Variants in KIFAP3 observed in about 807,000 individuals in gnomAD.
The protein encoded by KIFAP3 is kinesin-associated protein 3.
Under a neutral mutation model 106.5 loss-of-function variants are expected in KIFAP3, and 68 were observed. The observed-to-expected ratio is 0.64, with a 90% CI of 0.53 to 0.78. The LOEUF (loss-of-function observed/expected upper bound fraction) is 0.78. Among genes scored for constraint, KIFAP3 ranks in the 30% least tolerant of loss-of-function variants. The pLI, the probability that KIFAP3 is intolerant of heterozygous loss-of-function variation, is 0.00. For synonymous variants in KIFAP3, 320 were observed against 311.5 expected (o/e 1.03, Z -0.29); for missense variants, 780 against 941.8 (o/e 0.83, Z 2.25).
chr1:170,034,458 A>G lies in KIFAP3; in HGVS notation c.656T>C (p.Ile219Thr), dbSNP rs749176192. 1.3e-6 allele frequency: 2 copies of G among 1,548,312 alleles called. No individual in the cohort carries two copies. The highest frequency in any genetic ancestry group is 1.8e-6 in the Non-Finnish European group (2 of 1,126,450). Residue 219 changes from isoleucine (I) to threonine (T), a missense_variant, in exon 7 of 20, where the codon ATT becomes ACT. Physicochemically the swap from Ile to Thr is moderately conservative, Grantham distance 89. Coordinates refer to ENST00000361580, the MANE Select transcript of KIFAP3 (RefSeq NM_014970.4). ...QFHGLITHYKIGALCMNIIDH... is the reference protein window; with the variant it reads ...QFHGLITHYKTGALCMNIIDH... ...AATAATATTCATACACAGAGCTCCAATTTTATAGTGAGTAATAAGTCCATG... is the reference window on the plus strand; with the variant it reads ...AATAATATTCATACACAGAGCTCCAGTTTTATAGTGAGTAATAAGTCCATG...
intron 11 of KIFAP3, among the ~76,000 whole-genome samples, chr1:169,985,512 C>T (rs79825079): frequency 0.012 from 1,876 of 151,640 alleles, 38 homozygotes; most frequent in African/African-American, 0.043. Context: ...CAACATCTAC[C>T]GAAAAGGAGA....
At chr1:170,062,330 T>C (rs1467947461) in intron 1 of KIFAP3, among the ~76,000 whole-genome samples, 3 of 151,630 alleles carry the variant, frequency 2.0e-5, no homozygotes, top group Non-Finnish European at 4.4e-5. Flanking sequence ...TTGATATTCA[T>C]CCTATTAACA....
chr1:170,008,366 T>C (rs370165160), intron 10 of KIFAP3, among the ~76,000 whole-genome samples: 3 of 151,194 alleles, frequency 2.0e-5, no homozygotes, highest in Non-Finnish European at 4.4e-5. Context: ...TTGCAATCTA[T>C]CCATCTGACA....
chr1:169,983,122 T>C (rs369473276), intron 13 of KIFAP3, 148 bp downstream of exon 13: 6 of 613,972 alleles, frequency 9.8e-6, no homozygotes, highest in African/African-American at 1.9e-5. Context: ...GGTTGAGATT[T>C]CTAGGTGCTA....
intron 4 of KIFAP3, among the ~76,000 whole-genome samples, chr1:170,038,843 G>C (rs1015472068): frequency 5.3e-5 from 8 of 152,160 alleles, no homozygotes; most frequent in Non-Finnish European, 8.8e-5. Context: ...CCAGCACTTT[G>C]GGAGGCTGAG....
chr1:169,972,514 G>C lies in KIFAP3; in HGVS notation c.1982C>G (p.Ala661Gly). The C allele has an allele frequency of 7.4e-7, 1 of 1,343,670 alleles. No homozygotes were observed. Among genetic ancestry groups the C allele is most frequent in the South Asian group, 1.2e-5 (1 of 82,536 alleles). The allele number at this position is 1,343,670 out of a possible 1,614,324, so 83.2% of individuals were successfully genotyped here. A position where few individuals can be genotyped will look rare whatever the true frequency, so the allele number is the denominator to read the frequency against. ...TGTGTAGAAAAAATAATTACTTACC[G>C]CTATAATATCTAATGTATTATCACA... ...KVCDNTLDII[A>G]EYDEEWAKKI... The change falls in exon 17 of 20, where the codon GCG becomes GGG. Residue 661 changes from alanine to glycine, a missense_variant and splice_region_variant. Physicochemically the swap from Ala to Gly is moderately conservative, Grantham distance 60 (BLOSUM62 0). Coordinates refer to ENST00000361580, the MANE Select transcript of KIFAP3 (RefSeq NM_014970.4).
chr1:169,995,622 C>T (rs1667331197), intron 10 of KIFAP3, among the ~76,000 whole-genome samples: 1 of 151,956 alleles, frequency 6.6e-6, no homozygotes, highest in African/African-American at 2.4e-5. Context: ...AGTAAATAAT[C>T]AAACATTAAA....
intron 8 of KIFAP3, among the ~76,000 whole-genome samples, chr1:170,026,119 C>T (rs1669089467): frequency 6.6e-6 from 1 of 152,010 alleles, no homozygotes; most frequent in African/African-American, 2.4e-5. Flanking sequence ...CCAAGAAGCA[C>T]CAAGAATTGC....
At position 170,049,054 on chromosome 1, in the gene KIFAP3, C is replaced by T. The variant is rs533042730; in HGVS notation, c.165-2188G>A. On this transcript the variant is annotated intron_variant, in intron 2 of 19. Transcript: ENST00000361580. ...TCAGTGAGTCCCACTCTTATGGAGC[C>T]CAGCAAGCTATGAACCACTGGCTTG... 4.0e-4 allele frequency among the ~76,000 whole-genome samples: 61 copies of T among 152,312 alleles called. 1 individual carries two copies. The South Asian group carries it at 0.012, about 31-fold the overall frequency.
At chr1:170,084,673 T>C (rs1298601642) in intron 1 of KIFAP3, among the ~76,000 whole-genome samples, 1 of 152,148 alleles carries the variant, frequency 6.6e-6, no homozygotes, top group Non-Finnish European at 1.5e-5. Context: ...GACACAAAAG[T>C]ATGAAATATC....
intron 10 of KIFAP3, among the ~76,000 whole-genome samples, chr1:169,993,164 G>A (rs1667185138): frequency 1.4e-5 from 2 of 147,998 alleles, no homozygotes; most frequent in African/African-American, 5.0e-5. Context: ...CCAGAGTGCA[G>A]TGGCACAATC....
intron 2 of KIFAP3, among the ~76,000 whole-genome samples, chr1:170,051,935 C>T (rs1445887084): frequency 6.6e-6 from 1 of 151,932 alleles, no homozygotes; most frequent in Non-Finnish European, 1.5e-5. Context: ...ATTAAAAGAA[C>T]TAGAGAAGCA....
At chr1:170,035,381 AAT>A in intron 6 of KIFAP3, 71 bp downstream of exon 6, 2 of 871,472 alleles carry the variant, frequency 2.3e-6, no homozygotes, top group East Asian at 2.8e-5. Flanking sequence ...GTGATCTACA[AAT>A]TGAATCAATG....
intron 9 of KIFAP3, among the ~76,000 whole-genome samples, chr1:170,020,145 A>T (rs943436833): frequency 3.3e-5 from 5 of 151,570 alleles, no homozygotes; most frequent in Non-Finnish European, 7.4e-5. Context: ...TGGAAGAAAT[A>T]AAAAAAGACC....
intron 9 of KIFAP3, among the ~76,000 whole-genome samples, chr1:170,019,094 TCTG>T (rs1668674993): frequency 6.6e-6 from 1 of 152,110 alleles, no homozygotes; most frequent in South Asian, 2.1e-4. Flanking sequence ...TGCTCCTACA[TCTG>T]CTAACATACA....
chr1:170,067,195 T>C (rs751977346), intron 1 of KIFAP3, among the ~76,000 whole-genome samples: 17 of 152,028 alleles, frequency 1.1e-4, no homozygotes, highest in South Asian at 2.1e-4. Flanking sequence ...AAAAGTATAA[T>C]TCAGCAATGC....
chr1:169,984,193 C>T (rs767399024), intron 12 of KIFAP3, among the ~76,000 whole-genome samples: 1 of 151,666 alleles, frequency 6.6e-6, no homozygotes, highest in Non-Finnish European at 1.5e-5. Flanking sequence ...CAAAAACTAT[C>T]GGGCAGACTC....
At chr1:170,060,189 AG>A (rs1358460536) in intron 1 of KIFAP3, among the ~76,000 whole-genome samples, 1 of 152,220 alleles carries the variant, frequency 6.6e-6, no homozygotes, top group African/African-American at 2.4e-5. Context: ...GGAGAAAAAA[AG>A]GGTATTCAAT....
rs760064474 is a variant in KIFAP3 at position 170,038,312 on chromosome 1, G to A, written c.495C>T (p.Asn165=). Reference sequence around the variant, plus strand: ...CACCATTCAATAGTAGTTCTTCCAAGTTATCAGGATTTCGAGCAAGCTGCA... The same window carrying A: ...CACCATTCAATAGTAGTTCTTCCAAATTATCAGGATTTCGAGCAAGCTGCA... ...LILQLARNPD[N]LEELLLNETA... Residue 165 remains asparagine (N), a synonymous_variant, in exon 5 of 20, where the codon AAC becomes AAT. Transcript: ENST00000361580. The A allele has an allele frequency of 8.1e-6, 13 of 1,602,142 alleles. No individual in the cohort carries two copies. The East Asian group carries it at 2.9e-4, about 36-fold the overall frequency.
Sources: allele counts gnomAD v4.1 joint callset (sites outside exome capture counted in the v4.1 genomes callset), GRCh38; gene constraint gnomAD v4.1.1; transcripts MANE v1.5; gene names NCBI Gene and HGNC (gene_info 2026-07-23, HGNC 2026-07-21).